Variants in TPD52L1 observed in about 807,000 individuals in gnomAD.
The protein encoded by TPD52L1 is tumor protein D53.
TPD52L1 carries 18 observed loss-of-function variants against 28.7 expected under a neutral mutation model. The ratio of observed to expected loss-of-function variants is 0.63; its 90% CI spans 0.43 to 0.93. TPD52L1 has a LOEUF of 0.93. TPD52L1 is among the 40% of genes least tolerant of loss of function. TPD52L1 has a pLI of 0.00. For synonymous variants in TPD52L1, 75 were observed against 88.8 expected, an observed-to-expected ratio of 0.84 and a Z score of 0.88; for missense variants, 203 against 254.8, an observed-to-expected ratio of 0.80 and a Z score of 1.39.
intron 1 of TPD52L1, among the ~76,000 whole-genome samples, chr6:125,217,640 C>T (rs930367708): frequency 6.6e-6 from 1 of 152,194 alleles, no homozygotes; most frequent in African/African-American, 2.4e-5. Context: ...TGGTTCCTAA[C>T]AGGTAACAGA....
intron 1 of TPD52L1, among the ~76,000 whole-genome samples, chr6:125,195,367 G>A (rs1330029050): frequency 1.3e-5 from 2 of 152,120 alleles, no homozygotes; most frequent in Non-Finnish European, 2.9e-5. Flanking sequence ...CTCTCTCAAG[G>A]CTTAAAGTGT....
intron 4 of TPD52L1, chr6:125,251,928 T>C: frequency 7.3e-7 from 1 of 1,375,568 alleles, no homozygotes; most frequent in East Asian, 2.5e-5. Context: ...TCTGGGGCCC[T>C]TGAAAGGGGA....
At position 125,262,538 on chromosome 6, in the gene TPD52L1, C is replaced by T. The variant is rs184679645; in HGVS notation, c.487-296C>T. ...TCTGGGTGAGTGGAGATAGCTGTTC[C>T]AAGTCCATGGATCCGATTATGCTCC... On this transcript the variant is annotated intron_variant, in intron 6 of 6. Coordinates refer to ENST00000534000, the MANE Select transcript of TPD52L1 (RefSeq NM_003287.4). 19 of 234,480 alleles carry T rather than the reference C, an allele frequency of 8.1e-5. No homozygotes were observed. The East Asian group carries it at 1.9e-3, about 23-fold the overall frequency. The allele number at this position is 234,480 out of a possible 1,614,324, so 14.5% of individuals were successfully genotyped here. A position where few individuals can be genotyped will look rare whatever the true frequency, so the allele number is the denominator to read the frequency against.
chr6:125,172,535 T>TATATATATATAATATATATATATATATA (rs1562214406), intron 1 of TPD52L1, among the ~76,000 whole-genome samples: 11 of 98,116 alleles, frequency 1.1e-4, no homozygotes, highest in African/African-American at 4.9e-4. Flanking sequence ...TATATATATA[T>TATATATATATAATATATATATATATATA]ATATATATAT....
chr6:125,216,382 A>G (rs757681947), intron 1 of TPD52L1, among the ~76,000 whole-genome samples: 48 of 152,032 alleles, frequency 3.2e-4, no homozygotes, highest in Non-Finnish European at 5.1e-4. Flanking sequence ...CAAACAGGGT[A>G]AATTATTAAT....
At chr6:125,171,354 G>A (rs2114777593) in intron 1 of TPD52L1, among the ~76,000 whole-genome samples, 1 of 152,302 alleles carries the variant, frequency 6.6e-6, no homozygotes, top group African/African-American at 2.4e-5. Flanking sequence ...GTGATTTCCA[G>A]CTTCTGTTAT....
At chr6:125,172,120 C>CTT (rs1203271441) in intron 1 of TPD52L1, among the ~76,000 whole-genome samples, 2 of 52,482 alleles carry the variant, frequency 3.8e-5, no homozygotes, top group African/African-American at 2.0e-4. Context: ...TTCTTTCTTT[C>CTT]TTTCTTTCTT....
intron 4 of TPD52L1, among the ~76,000 whole-genome samples, chr6:125,251,163 CA>C (rs1232708916): frequency 4.0e-4 from 61 of 152,148 alleles, no homozygotes; most frequent in African/African-American, 1.4e-3. Context: ...ATTGTTTGTT[CA>C]AAAACTAATG....
At chr6:125,229,326 GTT>G in intron 3 of TPD52L1, 60 bp downstream of exon 3, 2 of 1,466,712 alleles carry the variant, frequency 1.4e-6, no homozygotes, top group African/African-American at 2.9e-5. Context: ...ACTCTGTTGT[GTT>G]TTGTTTCATT....
chr6:125,229,065 T>A, intron 2 of TPD52L1, 53 bp from the exon 3 acceptor site: 1 of 1,579,646 alleles, frequency 6.3e-7, no homozygotes, highest in Admixed American at 1.8e-5. Context: ...TCTGTAAGTA[T>A]CCTTTTTTGC....
At position 125,244,543 on chromosome 6, in the gene TPD52L1, A is replaced by T. The variant is rs117904329; in HGVS notation, c.285-3739A>T. 9.5e-4 allele frequency among the ~76,000 whole-genome samples: 145 copies of T among 152,236 alleles called. 1 individual carries two copies. The East Asian group carries it at 0.016, about 16-fold the overall frequency. ...TCGGATAAGACAGGCACCTCTTTTC[A>T]TCTATGGAAATGTTGATGTTCCAAG... On this transcript the variant is annotated intron_variant, in intron 3 of 6. Coordinates refer to ENST00000534000, the MANE Select transcript of TPD52L1 (RefSeq NM_003287.4).
At chr6:125,191,134 T>C (rs1437388611) in intron 1 of TPD52L1, among the ~76,000 whole-genome samples, 1 of 152,242 alleles carries the variant, frequency 6.6e-6, no homozygotes, top group Non-Finnish European at 1.5e-5. Flanking sequence ...ATTTCTCTCT[T>C]ACATGGAATC....
chr6:125,192,319 A>G lies in TPD52L1; in HGVS notation c.20-27759A>G, dbSNP rs528425864. ...AATTTTGAGAACAACAACAAAAAAA[A>G]TCTTTTTTTTTTTTTTATCTGGTGT... On this transcript the variant is annotated intron_variant, in intron 1 of 6. Coordinates refer to ENST00000534000, the MANE Select transcript of TPD52L1 (RefSeq NM_003287.4). Among the ~76,000 whole-genome samples the G allele has an allele frequency of 4.9e-5, 7 of 143,810 alleles. No homozygotes were observed. The South Asian group carries it at 9.6e-4, about 20-fold the overall frequency. The allele number at this position is 143,810 out of a possible 152,430, so 94.3% of individuals were successfully genotyped here. A position where few individuals can be genotyped will look rare whatever the true frequency, so the allele number is the denominator to read the frequency against.
chr6:125,256,814 G>T (rs1201775913), intron 5 of TPD52L1, among the ~76,000 whole-genome samples: 1 of 152,244 alleles, frequency 6.6e-6, no homozygotes, highest in Non-Finnish European at 1.5e-5. Context: ...ATGATTTACA[G>T]TGTACCATGG....
At chr6:125,241,313 A>G (rs1452504002) in intron 3 of TPD52L1, among the ~76,000 whole-genome samples, 1 of 151,966 alleles carries the variant, frequency 6.6e-6, no homozygotes, top group Non-Finnish European at 1.5e-5. Flanking sequence ...TTTTGGCATT[A>G]CATTTGGTGA....
intron 6 of TPD52L1, among the ~76,000 whole-genome samples, chr6:125,259,566 C>T (rs551555815): frequency 2.6e-5 from 4 of 152,322 alleles, no homozygotes; most frequent in Non-Finnish European, 4.4e-5. Flanking sequence ...TCCTGTGAAG[C>T]CACTTTTGGT....
At chr6:125,218,028 A>G (rs1794995047) in intron 1 of TPD52L1, among the ~76,000 whole-genome samples, 1 of 152,172 alleles carries the variant, frequency 6.6e-6, no homozygotes, top group African/African-American at 2.4e-5. Flanking sequence ...TGTTGACACT[A>G]TGAAAGCTTT....
At chr6:125,197,643 C>T (rs1405154779) in intron 1 of TPD52L1, among the ~76,000 whole-genome samples, 1 of 151,946 alleles carries the variant, frequency 6.6e-6, no homozygotes, top group South Asian at 2.1e-4. Flanking sequence ...ATTTTTCACC[C>T]AAGGTGGAAT....
intron 5 of TPD52L1, among the ~76,000 whole-genome samples, chr6:125,255,880 C>G (rs544890540): frequency 2.5e-3 from 377 of 152,172 alleles, no homozygotes; most frequent in African/African-American, 8.4e-3. Context: ...TAGTTCAGTT[C>G]CTGTTTCTTT....
Sources: gnomAD v4.1 joint callset for allele counts (sites outside exome capture counted in the v4.1 genomes callset) on GRCh38, gnomAD v4.1.1 for gene constraint, MANE v1.5 for transcripts, NCBI Gene and HGNC (gene_info 2026-07-23, HGNC 2026-07-21) for gene names.